The following SYNJ2 variants were observed in gnomAD, a reference collection of about 807,000 sequenced individuals.
SYNJ2 encodes polyphosphatidylinositol phosphatase SYNJ2.
Under a neutral mutation model 141.3 loss-of-function variants are expected in SYNJ2, and 116 were observed. That is an observed-to-expected ratio of 0.82 (90% CI 0.71 to 0.96). The LOEUF (loss-of-function observed/expected upper bound fraction) is 0.96, where lower values mean the gene tolerates loss of function less well. Ranked by LOEUF, SYNJ2 falls within the 40% of genes least tolerant of loss-of-function variation. SYNJ2 has a pLI of 0.00. For synonymous variants in SYNJ2, 745 were observed against 777.7 expected (o/e 0.96, Z 0.70); for missense variants, 1,873 against 1,934.8 (o/e 0.97, Z 0.60).
intron 2 of SYNJ2, among the ~76,000 whole-genome samples, chr6:158,018,406 A>T (rs1562327591): frequency 6.6e-6 from 1 of 152,170 alleles, no homozygotes; most frequent in Non-Finnish European, 1.5e-5. Flanking sequence ...CCTGGCTGAG[A>T]TGGGAATGGC....
At chr6:158,081,605 CTTTTTTTT>C (rs60234675) in intron 20 of SYNJ2, 95 bp downstream of exon 20, 423 of 212,800 alleles carry the variant, frequency 2.0e-3, no homozygotes, top group South Asian at 7.0e-3. Context: ...TGACCTGTGC[CTTTTTTTT>C]TTTTTTTTTT....
chr6:158,038,451 C>T (rs1476250087), intron 4 of SYNJ2, among the ~76,000 whole-genome samples: 2 of 152,186 alleles, frequency 1.3e-5, no homozygotes, highest in Admixed American at 6.5e-5. Flanking sequence ...AGATGCGTAG[C>T]GGGGCCCCAG....
At chr6:158,059,649 G>A in intron 7 of SYNJ2, 1 of 931,332 alleles carries the variant, frequency 1.1e-6, no homozygotes, top group Non-Finnish European at 1.3e-6. Context: ...CTGCCTCCCA[G>A]GTACAAGCGA....
At chr6:158,024,638 A>G (rs889295099) in intron 2 of SYNJ2, among the ~76,000 whole-genome samples, 1 of 152,248 alleles carries the variant, frequency 6.6e-6, no homozygotes, top group African/African-American at 2.4e-5. Flanking sequence ...CTGGAACGAT[A>G]AACCAGAACG....
chr6:158,082,842 A>G (rs1320031497), intron 20 of SYNJ2, among the ~76,000 whole-genome samples: 1 of 152,152 alleles, frequency 6.6e-6, no homozygotes, highest in Non-Finnish European at 1.5e-5. Context: ...TCTTTAGAGT[A>G]TGTATTTTGG....
chr6:157,999,169 A>G (rs887887816), intron 1 of SYNJ2, among the ~76,000 whole-genome samples: 2 of 152,282 alleles, frequency 1.3e-5, no homozygotes, highest in Non-Finnish European at 2.9e-5. Context: ...AAGGAAAAAT[A>G]CAAATGGCCA....
chr6:158,062,926 T>G (rs902512573), intron 8 of SYNJ2, among the ~76,000 whole-genome samples: 3 of 152,168 alleles, frequency 2.0e-5, no homozygotes, highest in African/African-American at 7.2e-5. Flanking sequence ...CTAGTACTTC[T>G]GAGCACAAGA....
At chr6:158,048,021 T>C (rs1048170914) in intron 5 of SYNJ2, among the ~76,000 whole-genome samples, 1 of 152,102 alleles carries the variant, frequency 6.6e-6, no homozygotes, top group Non-Finnish European at 1.5e-5. Flanking sequence ...CTGGTCAGTC[T>C]TATCTCTCAT....
In SYNJ2 at chr6:158,043,234, G is replaced by A; in HGVS notation, c.712-82G>A. ...TCATTCTGGCTGGTGTCGGGTCACA[G>A]GTGGCCGGATCCCGTTACCCAGCCC... On this transcript the variant is annotated intron_variant, in intron 4 of 26. Transcript: ENST00000355585. This position sits in a 1 kb window ranked among gnomAD's most constrained non-coding sequence, Gnocchi z 4.0. 8.0e-7 allele frequency: 1 copy of A among 1,254,300 alleles called. No homozygotes were observed. Among genetic ancestry groups the A allele is most frequent in the Non-Finnish European group, 1.2e-6 (1 of 867,566 alleles). The allele number at this position is 1,254,300 out of a possible 1,614,324, so 77.7% of individuals were successfully genotyped here.
At chr6:158,066,230 A>G (rs2128368497) in intron 11 of SYNJ2, among the ~76,000 whole-genome samples, 1 of 152,116 alleles carries the variant, frequency 6.6e-6, no homozygotes, top group African/African-American at 2.4e-5. Context: ...TTCCAGTCTT[A>G]TGTTTTCACG....
intron 4 of SYNJ2, among the ~76,000 whole-genome samples, chr6:158,036,843 G>T (rs942128537): frequency 1.3e-5 from 2 of 152,190 alleles, no homozygotes; most frequent in Non-Finnish European, 2.9e-5. Context: ...CAGCTGGGTG[G>T]TTTTCTCTTT....
At chr6:158,081,610 T>G in intron 20 of SYNJ2, 100 bp downstream of exon 20, 1 of 236,806 alleles carries the variant, frequency 4.2e-6, no homozygotes, top group Non-Finnish European at 7.0e-6. Context: ...TGTGCCTTTT[T>G]TTTTTTTTTT....
Position 158,017,223 on chromosome 6 carries a change from C to A in SYNJ2, c.147C>A (p.Val49=). Residue 49 remains valine (V), a synonymous_variant, in exon 2 of 27, where the codon GTC becomes GTA. Coordinates refer to ENST00000355585, the MANE Select transcript of SYNJ2 (RefSeq NM_003898.4). ...VATLAPEEKE[V]IKGQYGKLTD... is the part of the protein sequence containing the mutation. ...CCCCAGCTCCAGAAGAAAAGGAAGT[C>A]ATTAAAGGACAGTATGGCAAGCTCA... is the stretch of plus-strand genomic sequence containing the variant. 1 of 1,613,100 alleles carries A rather than the reference C, an allele frequency of 6.2e-7. No individual in the cohort carries two copies. The highest frequency in any genetic ancestry group is 1.1e-5 in the South Asian group (1 of 90,532).
chr6:157,986,631 G>C (rs527813663), intron 1 of SYNJ2, among the ~76,000 whole-genome samples: 3 of 152,152 alleles, frequency 2.0e-5, no homozygotes, highest in African/African-American at 7.2e-5. Context: ...CACCACGCCC[G>C]GCCTTCCCCG....
Position 157,982,842 on chromosome 6 carries a change from C to T in SYNJ2, c.127+754C>T, listed in dbSNP as rs1029803384. Among the ~76,000 whole-genome samples the T allele has an allele frequency of 6.6e-6, 1 of 152,224 alleles. No individual in the cohort carries two copies. Among genetic ancestry groups the T allele is most frequent in the African/African-American group, 2.4e-5 (1 of 41,458 alleles). ...TTGCTTGCCAAGGTGACACCATCCA[C>T]CTGACTTTTATGTGGCTGTTTCTGT... is the stretch of plus-strand genomic sequence containing the variant. On this transcript the variant is annotated intron_variant, in intron 1 of 26. Transcript: ENST00000355585. The surrounding 1 kb of genome is among the most constrained non-coding windows in gnomAD (Gnocchi z 4.0).
intron 4 of SYNJ2, among the ~76,000 whole-genome samples, chr6:158,038,397 C>T (rs1242302749): frequency 3.3e-5 from 5 of 152,222 alleles, no homozygotes; most frequent in African/African-American, 9.6e-5. Flanking sequence ...GCCCCCGCCC[C>T]ACCTAGAGAG....
intron 8 of SYNJ2, 28 bp from the exon 9 acceptor site, chr6:158,063,763 A>G: frequency 6.2e-7 from 1 of 1,605,922 alleles, no homozygotes; most frequent in Non-Finnish European, 8.5e-7. Flanking sequence ...AACAACATAT[A>G]ACCGTTTACA....
intron 3 of SYNJ2, among the ~76,000 whole-genome samples, chr6:158,031,493 A>G (rs1779357625): frequency 6.6e-6 from 1 of 152,224 alleles, no homozygotes; most frequent in Non-Finnish European, 1.5e-5. Flanking sequence ...CAGGCTCCTC[A>G]GCTGTAACAC....
intron 1 of SYNJ2, among the ~76,000 whole-genome samples, chr6:158,000,228 A>C (rs1174239546): frequency 1.3e-5 from 2 of 152,012 alleles, no homozygotes; most frequent in African/African-American, 2.4e-5. Context: ...TGTAAAAAAT[A>C]GCATGATGTT....
Sources: gnomAD v4.1 joint callset for allele counts (sites outside exome capture counted in the v4.1 genomes callset) on GRCh38, gnomAD v4.1.1 for gene constraint, Gnocchi (gnomAD v3.1) non-coding constraint, MANE v1.5 for transcripts, NCBI Gene and HGNC (gene_info 2026-07-23, HGNC 2026-07-21) for gene names.